Variants in ACSL6 observed in about 807,000 individuals in gnomAD.
ACSL6 encodes the protein acyl-CoA synthetase long chain family member 6.
Under a neutral mutation model 98.2 loss-of-function variants are expected in ACSL6, and 47 were observed. The observed-to-expected ratio is 0.48, with a 90% CI of 0.38 to 0.61. ACSL6 has a LOEUF of 0.61. Ranked by LOEUF, ACSL6 falls within the 20% of genes least tolerant of loss-of-function variation. ACSL6 has a pLI of 0.00. For missense variants in ACSL6, 761 were observed against 913.4 expected, an observed-to-expected ratio of 0.83 and a Z score of 2.15; for synonymous variants, 362 against 336.9, an observed-to-expected ratio of 1.07 and a Z score of -0.82.
intron 4 of ACSL6, 27 bp downstream of exon 4, chr5:131,990,073 G>T: frequency 6.2e-7 from 1 of 1,611,508 alleles, no homozygotes; most frequent in Non-Finnish European, 8.5e-7. Flanking sequence ...TGGGTGGCCA[G>T]GGTGGGGCCT....
chr5:131,975,470 AC>A, intron 10 of ACSL6: 1 of 985,420 alleles, frequency 1.0e-6, no homozygotes, highest in South Asian at 4.7e-5. Context: ...GCTAGTCAGC[AC>A]TTTCTAGTCC....
At position 132,011,407 on chromosome 5, in the gene ACSL6, G is replaced by C. The variant is rs1018407286; in HGVS notation, c.49+98C>G. The stretch of plus-strand genomic sequence containing the variant: ...GACAGCTCAGCAGCAGGGGATGGGG[G>C]CTCGGCGGCCGCGGAGATGTAACAC... On this transcript the variant is annotated intron_variant, in intron 1 of 20. Transcript: ENST00000651883. The surrounding 1 kb of genome is among the most constrained non-coding windows in gnomAD (Gnocchi z 5.4). 1 of 1,315,134 alleles carries C rather than the reference G, an allele frequency of 7.6e-7. No homozygotes were observed. Among genetic ancestry groups the C allele is most frequent in the Non-Finnish European group, 1.1e-6 (1 of 920,610 alleles). 81.5% of individuals were successfully genotyped at this position (1,315,134 alleles called of 1,614,324 possible).
rs539997211 is a variant in ACSL6 at position 131,972,589 on chromosome 5, G to A, written c.1338+135C>T. On this transcript the variant is annotated intron_variant, in intron 13 of 20. Coordinates refer to ENST00000651883, the MANE Select transcript of ACSL6 (RefSeq NM_001009185.3). ...GTTTAAAATTTCAATCATAGCTTAA[G>A]CTTTGATTTCATGAGCAAATGAGTT... 311 of 1,106,036 alleles carry A rather than the reference G, an allele frequency of 2.8e-4. 4 individuals are homozygous for A. The South Asian group carries it at 5.0e-3, about 18-fold the overall frequency. The allele number at this position is 1,106,036 out of a possible 1,614,324, so 68.5% of individuals were successfully genotyped here.
At chr5:131,960,469 G>T in intron 19 of ACSL6, 51 bp downstream of exon 19, 3 of 1,476,856 alleles carry the variant, frequency 2.0e-6, no homozygotes, top group South Asian at 1.2e-5. Flanking sequence ...TCATTATGTG[G>T]TACCATAAAA....
chr5:131,956,141 G>A (rs1752392305), intron 20 of ACSL6, among the ~76,000 whole-genome samples: 1 of 152,062 alleles, frequency 6.6e-6, no homozygotes, highest in Admixed American at 6.6e-5. Context: ...TGGGAACTTG[G>A]GGTGAGTATC....
intron 8 of ACSL6, among the ~76,000 whole-genome samples, chr5:131,986,259 C>A (rs1445743122): frequency 6.6e-6 from 1 of 152,152 alleles, no homozygotes; most frequent in South Asian, 2.1e-4. Flanking sequence ...CCTGCTCAGG[C>A]CTGTGTGAAG....
chr5:132,002,825 C>A (rs1755165846), intron 1 of ACSL6, among the ~76,000 whole-genome samples: 1 of 152,058 alleles, frequency 6.6e-6, no homozygotes, highest in Non-Finnish European at 1.5e-5. Flanking sequence ...AGGACTGGGG[C>A]AGGAAGCTGA....
In ACSL6 at chr5:131,951,998, CT is replaced by C; in HGVS notation, c.*2235del. 1 of 178,328 alleles carries C rather than the reference CT, an allele frequency of 5.6e-6. No individual in the cohort carries two copies. Among genetic ancestry groups the C allele is most frequent in the Non-Finnish European group, 1.2e-5 (1 of 83,074 alleles). The allele number at this position is 178,328 out of a possible 1,614,324, so 11.0% of individuals were successfully genotyped here. On this transcript the variant is annotated 3_prime_UTR_variant, in exon 21 of 21. Transcript: ENST00000651883. Reference sequence around the variant, plus strand: ...TGTTTCTGTCACATTGTTCAAAATTCTTTTGGGCTTAAAGCCAACTATGAAT... The same window carrying C: ...TGTTTCTGTCACATTGTTCAAAATTCTTTGGGCTTAAAGCCAACTATGAAT...
At chr5:132,010,294 G>A (rs1230963889) in intron 1 of ACSL6, among the ~76,000 whole-genome samples, 1 of 152,180 alleles carries the variant, frequency 6.6e-6, no homozygotes, top group Non-Finnish European at 1.5e-5. Context: ...CAACCCTCCA[G>A]GTTCAGGCCT....
intron 15 of ACSL6, among the ~76,000 whole-genome samples, chr5:131,969,688 T>G (rs1753197829): frequency 6.6e-6 from 1 of 152,112 alleles, no homozygotes; most frequent in Non-Finnish European, 1.5e-5. Flanking sequence ...GGCAGGTTCA[T>G]AGGGGCCAGG....
chr5:131,954,166 A>AT lies in ACSL6; in HGVS notation c.*67dup. 6.9e-7 allele frequency: 1 copy of AT among 1,457,126 alleles called. No homozygotes were observed. The highest frequency in any genetic ancestry group is 1.6e-5 in the South Asian group (1 of 63,528). 90.3% of individuals were successfully genotyped at this position (1,457,126 alleles called of 1,614,324 possible). On this transcript the variant is annotated 3_prime_UTR_variant, in exon 21 of 21. Transcript: ENST00000651883. ...ATTTTCAGCTGTGTCATTTTGACTC[A>AT]TTACTTTCAAGAATAACTATAATAT...
At chr5:131,973,502 A>T (rs1580649209) in intron 11 of ACSL6, 102 bp from the exon 12 acceptor site, 2 of 1,236,956 alleles carry the variant, frequency 1.6e-6, no homozygotes, top group Non-Finnish European at 2.2e-6. Context: ...GGCACCCATG[A>T]CCCCCTGACC....
At position 131,957,762 on chromosome 5, in the gene ACSL6, G is replaced by A. The variant is rs1372334220; in HGVS notation, c.2031+1774C>T. On this transcript the variant is annotated intron_variant, in intron 20 of 20. Coordinates refer to ENST00000651883, the MANE Select transcript of ACSL6 (RefSeq NM_001009185.3). ...TTATGGATTAACTGAAATAATTTATGTTGAGCTTTGGATCACAACTGAGAG... is the reference window on the plus strand; with the variant it reads ...TTATGGATTAACTGAAATAATTTATATTGAGCTTTGGATCACAACTGAGAG... Among the ~76,000 whole-genome samples the A allele has an allele frequency of 3.3e-5, 5 of 152,336 alleles. No individual in the cohort carries two copies. The East Asian group carries it at 7.7e-4, about 23-fold the overall frequency.
intron 8 of ACSL6, 79 bp from the exon 9 acceptor site, chr5:131,985,537 CA>C: frequency 6.8e-7 from 1 of 1,462,034 alleles, no homozygotes; most frequent in Admixed American, 1.7e-5. Flanking sequence ...GCTCCCCAAC[CA>C]GCCAGGCCCA....
chr5:131,959,511 C>T (rs374654558), intron 20 of ACSL6, 25 bp downstream of exon 20: 97 of 1,609,984 alleles, frequency 6.0e-5, no homozygotes, highest in African/African-American at 2.5e-4. Context: ...AGGGTTGTAA[C>T]GAGTATGGGG....
At position 131,951,331 on chromosome 5, in the gene ACSL6, G is replaced by T. The variant is rs1752146591; in HGVS notation, c.*2903C>A. The T allele has an allele frequency of 4.9e-6, 1 of 202,448 alleles. No homozygotes were observed. The highest frequency in any genetic ancestry group is 1.9e-4 in the South Asian group (1 of 5,262). The allele number at this position is 202,448 out of a possible 1,614,324, so 12.5% of individuals were successfully genotyped here. A position where few individuals can be genotyped will look rare whatever the true frequency, so the allele number is the denominator to read the frequency against. Reference sequence around the variant, plus strand: ...TTTTTTCTCCTCCAGAATAAAGTTGGGAAATCTGAAGCAAGAAGGATTTTT... The same window carrying T: ...TTTTTTCTCCTCCAGAATAAAGTTGTGAAATCTGAAGCAAGAAGGATTTTT... On this transcript the variant is annotated 3_prime_UTR_variant, in exon 21 of 21. Transcript: ENST00000651883.
chr5:131,961,170 G>A (rs1412414857), intron 18 of ACSL6, among the ~76,000 whole-genome samples: 1 of 151,962 alleles, frequency 6.6e-6, no homozygotes, highest in Non-Finnish European at 1.5e-5. Context: ...GACTACAGGT[G>A]CATGCCACCA....
chr5:131,975,362 C>G, intron 10 of ACSL6: 1 of 985,402 alleles, frequency 1.0e-6, no homozygotes, highest in Non-Finnish European at 1.2e-6. Flanking sequence ...GGCTCTAGCC[C>G]GGCTCTCTCC....
Position 131,988,161 on chromosome 5 carries a change from T to C in ACSL6, c.718A>G (p.Arg240Gly), listed in dbSNP as rs779473182. 3.1e-6 allele frequency: 5 copies of C among 1,614,110 alleles called. No homozygotes were observed. In the East Asian group the frequency reaches 1.1e-4, roughly 36 times the overall value. ...AGCTTGAGGCCTGGAGTCTCCTTCC[T>C]CTCCACATGCTCTAGCAGAAGCACA... ...KAVLLLEHVERKETPGLKLII... is the reference protein window; with the variant it reads ...KAVLLLEHVEGKETPGLKLII... Residue 240 changes from arginine (R) to glycine (G), a missense_variant, in exon 7 of 21, where the codon AGG becomes GGG. Coordinates refer to ENST00000651883, the MANE Select transcript of ACSL6 (RefSeq NM_001009185.3).
Sources: gnomAD v4.1 joint callset for allele counts (sites outside exome capture counted in the v4.1 genomes callset) on GRCh38, gnomAD v4.1.1 for gene constraint, Gnocchi (gnomAD v3.1) non-coding constraint, MANE v1.5 for transcripts, NCBI Gene and HGNC (gene_info 2026-07-23, HGNC 2026-07-21) for gene names.